Variants in COX7B2 observed in about 807,000 individuals in gnomAD.
The protein encoded by COX7B2 is cytochrome c oxidase subunit 7B2, mitochondrial.
For missense variants in COX7B2, 109 were observed against 95.9 expected (o/e 1.14, Z -0.57); for synonymous variants, 37 against 32.1 (o/e 1.15, Z -0.51).
At chr4:46,843,216 G>C (rs1220814669) in intron 2 of COX7B2, among the ~76,000 whole-genome samples, 1 of 151,880 alleles carries the variant, frequency 6.6e-6, no homozygotes, top group South Asian at 2.1e-4. Context: ...CCATTTATGA[G>C]GCTTCTTAGC....
chr4:46,895,119 C>T (rs564540954), intron 1 of COX7B2, among the ~76,000 whole-genome samples: 1 of 152,236 alleles, frequency 6.6e-6, no homozygotes, highest in Non-Finnish European at 1.5e-5. Context: ...ACATTTGACC[C>T]AGCACTCCCG....
chr4:46,795,363 A>T (rs1490001622), intron 2 of COX7B2, among the ~76,000 whole-genome samples: 8 of 57,580 alleles, frequency 1.4e-4, no homozygotes, highest in Admixed American at 2.3e-4. Flanking sequence ...ATCCATCTTG[A>T]ATTGATTTTT....
At chr4:46,763,552 T>G (rs1716349332) in intron 2 of COX7B2, among the ~76,000 whole-genome samples, 1 of 152,098 alleles carries the variant, frequency 6.6e-6, no homozygotes, top group Admixed American at 6.6e-5. Flanking sequence ...TGCACATGTT[T>G]ATAATTCAGC....
intron 2 of COX7B2, among the ~76,000 whole-genome samples, chr4:46,800,561 T>C (rs765616560): frequency 2.6e-5 from 4 of 152,080 alleles, no homozygotes; most frequent in African/African-American, 7.2e-5. Context: ...ATGCAGAAGA[T>C]TGAAACTGGA....
chr4:46,886,922 G>C (rs924755278), intron 1 of COX7B2, among the ~76,000 whole-genome samples: 2 of 152,096 alleles, frequency 1.3e-5, no homozygotes, highest in African/African-American at 4.8e-5. Flanking sequence ...TCCACCTACT[G>C]GACAGACTGT....
At chr4:46,846,933 G>A (rs1716320101) in intron 1 of COX7B2, among the ~76,000 whole-genome samples, 1 of 151,876 alleles carries the variant, frequency 6.6e-6, no homozygotes, top group South Asian at 2.1e-4. Flanking sequence ...GTGATTGGTG[G>A]GAAATAATTA....
chr4:46,832,672 A>G (rs753569610), intron 2 of COX7B2, among the ~76,000 whole-genome samples: 2 of 152,082 alleles, frequency 1.3e-5, no homozygotes, highest in Admixed American at 1.3e-4. Context: ...GATTCCTAAT[A>G]AACTGTTTAG....
intron 2 of COX7B2, among the ~76,000 whole-genome samples, chr4:46,741,518 T>C (rs1179017342): frequency 1.3e-5 from 2 of 152,002 alleles, no homozygotes; most frequent in African/African-American, 4.8e-5. Context: ...CCCCTATCAC[T>C]TCTCCGCCAT....
intron 2 of COX7B2, among the ~76,000 whole-genome samples, chr4:46,835,024 A>G (rs1322662152): frequency 1.3e-5 from 2 of 152,214 alleles, no homozygotes; most frequent in Non-Finnish European, 2.9e-5. Flanking sequence ...CTTAAACAAG[A>G]AAAACTTTCA....
chr4:46,859,187 C>T (rs911217826), intron 1 of COX7B2, among the ~76,000 whole-genome samples: 2 of 152,182 alleles, frequency 1.3e-5, no homozygotes, highest in African/African-American at 4.8e-5. Context: ...TGTCCTCCTC[C>T]TATTGAAGTC....
intron 2 of COX7B2, among the ~76,000 whole-genome samples, chr4:46,799,269 G>A (rs535318835): frequency 4.1e-4 from 62 of 152,204 alleles, no homozygotes; most frequent in African/African-American, 1.2e-3. Flanking sequence ...GGGCAGAAAC[G>A]ATGAGGTTTT....
At chr4:46,844,331 A>T (rs936501870) in intron 2 of COX7B2, among the ~76,000 whole-genome samples, 1 of 151,992 alleles carries the variant, frequency 6.6e-6, no homozygotes, top group Admixed American at 6.6e-5. Context: ...CAAGCTGACC[A>T]CTGACTCCAG....
chr4:46,859,985 T>C (rs1056386867), intron 1 of COX7B2, among the ~76,000 whole-genome samples: 1 of 152,212 alleles, frequency 6.6e-6, no homozygotes, highest in African/African-American at 2.4e-5. Flanking sequence ...ACCTGCTTTT[T>C]CCCACCATCA....
chr4:46,753,271 T>A (rs1164700488), intron 2 of COX7B2, among the ~76,000 whole-genome samples: 1 of 152,142 alleles, frequency 6.6e-6, no homozygotes, highest in Non-Finnish European at 1.5e-5. Flanking sequence ...ATATCCCCTT[T>A]ATCATTTTTT....
chr4:46,756,166 C>A (rs1003736418), intron 2 of COX7B2, among the ~76,000 whole-genome samples: 4 of 151,970 alleles, frequency 2.6e-5, no homozygotes, highest in African/African-American at 9.7e-5. Context: ...CACTTGTCTA[C>A]AACCAACTGA....
At chr4:46,759,856 CTTATATAAGTTATATAAGTCAT>C (rs1716035835) in intron 2 of COX7B2, among the ~76,000 whole-genome samples, 1 of 149,030 alleles carries the variant, frequency 6.7e-6, no homozygotes, top group Non-Finnish European at 1.5e-5. Context: ...TAAGTCATAT[CTTATATAAGTTATATAAGTCAT>C]ATCTTATATA....
chr4:46,817,472 C>G (rs1719614582), intron 2 of COX7B2, among the ~76,000 whole-genome samples: 1 of 152,174 alleles, frequency 6.6e-6, no homozygotes, highest in Non-Finnish European at 1.5e-5. Context: ...TGAATAAACT[C>G]AAATATAAGC....
intron 2 of COX7B2, among the ~76,000 whole-genome samples, chr4:46,793,472 T>C (rs924928447): frequency 3.3e-5 from 5 of 152,208 alleles, no homozygotes; most frequent in Admixed American, 6.5e-5. Flanking sequence ...TTGTCCAAGA[T>C]GGCGATGCTC....
chr4:46,816,308 A>G (rs1338456326), intron 2 of COX7B2, among the ~76,000 whole-genome samples: 1 of 152,054 alleles, frequency 6.6e-6, no homozygotes, highest in Non-Finnish European at 1.5e-5. Context: ...TCTGGCCTCT[A>G]GTTATGTTAT....
Sources: gnomAD v4.1 joint callset for allele counts (sites outside exome capture counted in the v4.1 genomes callset) on GRCh38, gnomAD v4.1.1 for gene constraint, MANE v1.5 for transcripts, NCBI Gene and HGNC (gene_info 2026-07-23, HGNC 2026-07-21) for gene names.